Variants in AKAP7 observed in about 807,000 individuals in gnomAD.
AKAP7 encodes A kinase (PRKA) anchor protein 7.
In AKAP7, 39 loss-of-function variants were observed where a neutral mutation model predicts 39.5. The observed-to-expected ratio is 0.99, with a 90% CI of 0.76 to 1.29. The LOEUF is 1.29. AKAP7 is among the 50% of genes most tolerant of loss of function. AKAP7 has a pLI of 0.00. For missense variants in AKAP7, 414 were observed against 407.7 expected, an observed-to-expected ratio of 1.02 and a Z score of -0.13; for synonymous variants, 140 against 139.1, an observed-to-expected ratio of 1.01 and a Z score of -0.05.
At chr6:131,183,373 A>G (rs1260691828) in intron 5 of AKAP7, among the ~76,000 whole-genome samples, 1 of 152,198 alleles carries the variant, frequency 6.6e-6, no homozygotes. Flanking sequence ...GCTGAGAGCC[A>G]GGATACACAG....
In AKAP7 at chr6:131,207,491, A is replaced by ATTTTTTTTTTTTTTTTTTTTTTTT. The variant is rs531582478; in HGVS notation, c.702+7921_702+7944dup. ...TGCACACCATGCCTGGCTAATTAAA[A>ATTTTTTTTTTTTTTTTTTTTTTTT]TTTTTTTTTTTTTTTTTTTTTTTTT... On this transcript the variant is annotated intron_variant, in intron 6 of 7. Coordinates refer to ENST00000431975, the MANE Select transcript of AKAP7 (RefSeq NM_016377.4). Among the ~76,000 whole-genome samples, 27 of 78,792 alleles carry ATTTTTTTTTTTTTTTTTTTTTTTT rather than the reference A, an allele frequency of 3.4e-4. 2 individuals are homozygous for ATTTTTTTTTTTTTTTTTTTTTTTT. The highest frequency in any genetic ancestry group is 8.6e-4 in the South Asian group (2 of 2,338). The allele number at this position is 78,792 out of a possible 152,430, so 51.7% of individuals were successfully genotyped here.
intron 5 of AKAP7, among the ~76,000 whole-genome samples, chr6:131,187,824 C>T (rs1455239088): frequency 6.6e-6 from 1 of 152,164 alleles, no homozygotes; most frequent in Non-Finnish European, 1.5e-5. Flanking sequence ...AAAATTAAAC[C>T]CAGTCCTGGT....
intron 5 of AKAP7, among the ~76,000 whole-genome samples, chr6:131,183,048 C>A (rs1375033618): frequency 1.3e-5 from 2 of 151,994 alleles, no homozygotes; most frequent in Non-Finnish European, 2.9e-5. Flanking sequence ...GATGAAAAGG[C>A]CTTCTTAATG....
chr6:131,270,859 T>A (rs559612640), intron 7 of AKAP7, among the ~76,000 whole-genome samples: 1 of 152,332 alleles, frequency 6.6e-6, no homozygotes, highest in Admixed American at 6.5e-5. Context: ...TTATCGACCA[T>A]CTGTATATCT....
chr6:131,156,973 C>T (rs1015028817), intron 2 of AKAP7, among the ~76,000 whole-genome samples: 2 of 152,046 alleles, frequency 1.3e-5, no homozygotes, highest in African/African-American at 4.8e-5. Context: ...GACGGGGTTT[C>T]ACCGTGTTAG....
upstream of AKAP7, among the ~76,000 whole-genome samples, chr6:131,133,585 G>A (rs1396144237): frequency 1.3e-5 from 2 of 152,090 alleles, no homozygotes; most frequent in Non-Finnish European, 2.9e-5. Flanking sequence ...GTGGCATTTG[G>A]GCTGTTACCT....
chr6:131,247,932 A>G (rs1380652599), intron 7 of AKAP7, among the ~76,000 whole-genome samples: 1 of 152,270 alleles, frequency 6.6e-6, no homozygotes, highest in South Asian at 2.1e-4. Context: ...GCCTGTCCCT[A>G]TTCTTAATTG....
intron 6 of AKAP7, chr6:131,200,932 GTTTC>G (rs1327288237): frequency 6.6e-6 from 1 of 152,082 alleles, no homozygotes; most frequent in Non-Finnish European, 1.5e-5. Flanking sequence ...GTTTCAAAAT[GTTTC>G]TTTGTCTTTA....
chr6:131,136,993 C>T (rs1290754512), intron 1 of AKAP7, among the ~76,000 whole-genome samples: 2 of 152,134 alleles, frequency 1.3e-5, no homozygotes, highest in African/African-American at 2.4e-5. Flanking sequence ...CAGGGTCTTC[C>T]TCTGTTGGCT....
chr6:131,176,065 T>G (rs1028245457), intron 5 of AKAP7, among the ~76,000 whole-genome samples: 2 of 152,198 alleles, frequency 1.3e-5, no homozygotes, highest in African/African-American at 2.4e-5. Context: ...GAATATAGGA[T>G]GGGTGAGAAA....
the AKAP7 span, among the ~76,000 whole-genome samples, chr6:131,128,886 A>G: frequency 6.6e-6 from 1 of 152,118 alleles, no homozygotes; most frequent in Non-Finnish European, 1.5e-5. Context: ...TGTACTTATC[A>G]TAGAATTATT....
chr6:131,156,119 C>T (rs1802394748), intron 2 of AKAP7, among the ~76,000 whole-genome samples: 1 of 152,060 alleles, frequency 6.6e-6, no homozygotes, highest in African/African-American at 2.4e-5. Flanking sequence ...GCTGTTTTCC[C>T]TTCTATCTTT....
chr6:131,149,052 T>A (rs1801704457), intron 2 of AKAP7, among the ~76,000 whole-genome samples: 1 of 152,184 alleles, frequency 6.6e-6, no homozygotes, highest in Non-Finnish European at 1.5e-5. Context: ...GGAAGGGGAA[T>A]CCTTGGCAGT....
chr6:131,172,036 C>A (rs1804101910), intron 5 of AKAP7, among the ~76,000 whole-genome samples: 1 of 152,042 alleles, frequency 6.6e-6, no homozygotes, highest in African/African-American at 2.4e-5. Flanking sequence ...ATTTCTGGTT[C>A]ATAGAGAGTA....
In AKAP7 at chr6:131,219,693, A is replaced by G; in HGVS notation, c.735A>G (p.Glu245=). The G allele has an allele frequency of 6.3e-7, 1 of 1,595,936 alleles. No homozygotes were observed. Among genetic ancestry groups the G allele is most frequent in the Non-Finnish European group, 8.5e-7 (1 of 1,172,110 alleles). ...GVKKIDPDLY[E]KFISHRFGEE... The stretch of plus-strand genomic sequence containing the variant: ...AAAAAATAGATCCTGATTTATATGA[A>G]AAGTTTATCAGTCACAGATTTGGAG... The change falls in exon 7 of 8, where the codon GAA becomes GAG. Residue 245 remains glutamate, a synonymous_variant. Coordinates refer to ENST00000431975, the MANE Select transcript of AKAP7 (RefSeq NM_016377.4).
chr6:131,141,927 G>A (rs1212009588), intron 1 of AKAP7, among the ~76,000 whole-genome samples: 1 of 147,718 alleles, frequency 6.8e-6, no homozygotes, highest in East Asian at 2.0e-4. Flanking sequence ...TTGCAACAGG[G>A]TCTCACTCTG....
intron 7 of AKAP7, among the ~76,000 whole-genome samples, chr6:131,241,379 C>G (rs1234050614): frequency 2.0e-5 from 3 of 151,960 alleles, no homozygotes; most frequent in Non-Finnish European, 4.4e-5. Flanking sequence ...AGAAGAGAAC[C>G]CTAGGTTGGC....
chr6:131,210,875 C>T (rs972893687), intron 6 of AKAP7, among the ~76,000 whole-genome samples: 3 of 152,160 alleles, frequency 2.0e-5, no homozygotes, highest in Non-Finnish European at 4.4e-5. Context: ...CCACCTTGCT[C>T]TTCACCCTCC....
upstream of AKAP7, among the ~76,000 whole-genome samples, chr6:131,135,087 T>C (rs144196718): frequency 4.7e-3 from 712 of 152,344 alleles, 8 homozygotes; most frequent in African/African-American, 0.016. Flanking sequence ...TATCTCATTA[T>C]ACAGAAGTAC....
Sources: allele counts gnomAD v4.1 joint callset (sites outside exome capture counted in the v4.1 genomes callset), GRCh38; gene constraint gnomAD v4.1.1; transcripts MANE v1.5; gene names NCBI Gene and HGNC (gene_info 2026-07-23, HGNC 2026-07-21).